The following COL10A1 variants were observed in gnomAD, a reference collection of about 807,000 sequenced individuals.
COL10A1 encodes the protein collagen alpha-1(X) chain.
A neutral mutation model predicts 18.2 loss-of-function variants in COL10A1; 10 were observed. The observed-to-expected ratio is 0.55, with a 90% CI of 0.34 to 0.93. The LOEUF is 0.93. Among genes scored for constraint, COL10A1 ranks in the 40% least tolerant of loss-of-function variants. COL10A1 has a pLI of 0.02. For synonymous variants in COL10A1, 330 were observed against 316.6 expected, an observed-to-expected ratio of 1.04 and a Z score of -0.45; for missense variants, 897 against 853.5, an observed-to-expected ratio of 1.05 and a Z score of -0.64.
upstream of COL10A1, among the ~76,000 whole-genome samples, chr6:116,127,748 T>C (rs1779358136): frequency 6.6e-6 from 1 of 152,176 alleles, no homozygotes; most frequent in Admixed American, 6.5e-5. Flanking sequence ...GTGATACACA[T>C]GCACACACAT....
upstream of COL10A1, among the ~76,000 whole-genome samples, chr6:116,162,871 T>C (rs1259905968): frequency 6.6e-6 from 1 of 152,054 alleles, no homozygotes; most frequent in East Asian, 1.9e-4. Flanking sequence ...AGAGCGCCTG[T>C]AATCCCAGCA....
chr6:116,161,532 A>G (rs1056962372), upstream of COL10A1, among the ~76,000 whole-genome samples: 2 of 152,022 alleles, frequency 1.3e-5, no homozygotes, highest in Admixed American at 1.3e-4. Flanking sequence ...GACTTTGTTG[A>G]AGATCAGGTG....
At position 116,125,432 on chromosome 6, in the gene COL10A1, A is replaced by G. The variant is rs755737324; in HGVS notation, c.61T>C (p.Tyr21His). ...GTGGGCATTTGGTATCGTTCAGCGT[A>G]AAACACTCCATGAACCAAGTTCAAG... is the stretch of plus-strand genomic sequence containing the variant. The part of the protein sequence containing the change: ...VSLNLVHGVF[Y>H]AERYQMPTGI... Residue 21 changes from tyrosine to histidine, a missense_variant, in exon 2 of 3, where the codon TAC becomes CAC. Tyr to His is a moderately conservative substitution (Grantham distance 83). Transcript: ENST00000651968. 1.2e-6 allele frequency: 2 copies of G among 1,613,902 alleles called. No homozygotes were observed. Among genetic ancestry groups the G allele is most frequent in the Non-Finnish European group, 1.7e-6 (2 of 1,179,838 alleles).
At chr6:116,149,989 C>T (rs1779996993) in intron 1 of COL10A1, among the ~76,000 whole-genome samples, 1 of 152,128 alleles carries the variant, frequency 6.6e-6, no homozygotes, top group African/African-American at 2.4e-5. Flanking sequence ...ATGATGTCTC[C>T]CTTTGACATC....
the COL10A1 span, among the ~76,000 whole-genome samples, chr6:116,197,649 G>A: frequency 6.6e-6 from 1 of 151,998 alleles, no homozygotes; most frequent in Admixed American, 6.6e-5. Flanking sequence ...TCTACTTTTT[G>A]ATTGTTTAGC....
chr6:116,168,606 G>A, the COL10A1 span, among the ~76,000 whole-genome samples: 24 of 151,912 alleles, frequency 1.6e-4, no homozygotes, highest in African/African-American at 2.4e-4. Context: ...TGGTTCTGTC[G>A]TGTATTTTCC....
In COL10A1 at chr6:116,141,926, A is replaced by T. The variant is rs73772276; in HGVS notation, c.-15-16419T>A. On this transcript the variant is annotated intron_variant, in intron 1 of 1. Transcript: ENST00000418500. ...CACACACACACACACACACACACAC[A>T]CTGTAAATGTGAGATGTTCCTAGTC... 2.3e-3 allele frequency among the ~76,000 whole-genome samples: 340 copies of T among 148,924 alleles called. 1 individual carries two copies. The highest frequency in any genetic ancestry group is 7.7e-3 in the African/African-American group (312 of 40,380).
At chr6:116,168,605 C>A in the COL10A1 span, among the ~76,000 whole-genome samples, 2 of 151,854 alleles carry the variant, frequency 1.3e-5, no homozygotes, top group African/African-American at 2.4e-5. Context: ...CTGGTTCTGT[C>A]GTGTATTTTC....
chr6:116,122,601 G>T (rs915179956), intron 2 of COL10A1, among the ~76,000 whole-genome samples: 1 of 152,140 alleles, frequency 6.6e-6, no homozygotes, highest in Non-Finnish European at 1.5e-5. Flanking sequence ...TATAGTGTTT[G>T]ATTTCATAGA....
chr6:116,178,899 A>G, the COL10A1 span, among the ~76,000 whole-genome samples: 1 of 152,258 alleles, frequency 6.6e-6, no homozygotes, highest in East Asian at 1.9e-4. Flanking sequence ...CTTTTACTCG[A>G]TATGCATTTC....
At chr6:116,173,777 A>G in the COL10A1 span, among the ~76,000 whole-genome samples, 99,634 of 152,090 alleles carry the variant, frequency 0.66, 34,550 homozygotes, top group African/African-American at 0.89. Context: ...ATATCACCCT[A>G]ATGTTCACAT....
At chr6:116,170,303 G>A in the COL10A1 span, among the ~76,000 whole-genome samples, 2 of 152,206 alleles carry the variant, frequency 1.3e-5, no homozygotes, top group African/African-American at 2.4e-5. Context: ...GTGTATATAT[G>A]TACTTTTTTT....
At chr6:116,210,804 TA>T in the COL10A1 span, among the ~76,000 whole-genome samples, 3 of 151,682 alleles carry the variant, frequency 2.0e-5, no homozygotes, top group African/African-American at 7.3e-5. Context: ...GAAACACAGG[TA>T]AAAAAAACTA....
At chr6:116,163,508 T>C (rs1172944987), upstream of COL10A1, among the ~76,000 whole-genome samples, 1 of 152,078 alleles carries the variant, frequency 6.6e-6, no homozygotes, top group African/African-American at 2.4e-5. Flanking sequence ...TTGAGTCCTC[T>C]TTTTTTCTTG....
the COL10A1 span, among the ~76,000 whole-genome samples, chr6:116,216,348 C>T: frequency 6.6e-6 from 1 of 151,194 alleles, no homozygotes; most frequent in South Asian, 2.1e-4. Context: ...TTTAGGTCAA[C>T]AAGTCTTAAT....
the COL10A1 span, among the ~76,000 whole-genome samples, chr6:116,178,395 C>T: frequency 6.6e-6 from 1 of 151,988 alleles, no homozygotes; most frequent in Non-Finnish European, 1.5e-5. Flanking sequence ...TTCATAAAGG[C>T]GATAGAAAGA....
At chr6:116,153,335 T>G (rs966993634) in intron 1 of COL10A1, among the ~76,000 whole-genome samples, 1 of 108,550 alleles carries the variant, frequency 9.2e-6, no homozygotes, top group East Asian at 2.1e-4. Flanking sequence ...ACATCAGCTC[T>G]AAAAGTTTTT....
chr6:116,125,277 A>G, intron 2 of COL10A1, 62 bp downstream of exon 2: 1 of 1,566,170 alleles, frequency 6.4e-7, no homozygotes, highest in South Asian at 1.2e-5. Flanking sequence ...TAAAGAGATT[A>G]TTAAGATTAT....
chr6:116,207,035 A>G, the COL10A1 span, among the ~76,000 whole-genome samples: 1 of 152,104 alleles, frequency 6.6e-6, no homozygotes, highest in South Asian at 2.1e-4. Context: ...CACTTATGTC[A>G]TATGCTTTCT....
Sources: gnomAD v4.1 joint callset for allele counts (sites outside exome capture counted in the v4.1 genomes callset) on GRCh38, gnomAD v4.1.1 for gene constraint, MANE v1.5 for transcripts, NCBI Gene and HGNC (gene_info 2026-07-23, HGNC 2026-07-21) for gene names.